Variants in SPEGNB observed in about 807,000 individuals in gnomAD.
The protein encoded by SPEGNB is SPEG neighbor, also known as SPEG neighbor protein.
SPEGNB carries 12 observed loss-of-function variants against 18.3 expected under a neutral mutation model. The ratio of observed to expected loss-of-function variants is 0.65; its 90% CI spans 0.42 to 1.06. The LOEUF is 1.06. Ranked by LOEUF, SPEGNB falls within the 50% of genes least tolerant of loss-of-function variation. The pLI is 0.00. For synonymous variants in SPEGNB, 113 were observed against 138.8 expected, an observed-to-expected ratio of 0.81 and a Z score of 1.31; for missense variants, 273 against 329.3, an observed-to-expected ratio of 0.83 and a Z score of 1.32.
At chr2:219,496,678 T>G in intron 2 of SPEGNB, 131 bp from the exon 3 acceptor site, 1 of 1,005,032 alleles carries the variant, frequency 9.9e-7, no homozygotes, top group South Asian at 1.7e-5. Context: ...GGAGCAGTCC[T>G]CTTCCCTACC....
At chr2:219,497,647 T>A in intron 3 of SPEGNB, 73 bp from the exon 4 acceptor site, 1 of 1,266,158 alleles carries the variant, frequency 7.9e-7, no homozygotes, top group Non-Finnish European at 1.0e-6. Flanking sequence ...GTGCCGGGTA[T>A]TAGCCGGTGA....
chr2:219,497,932 T>C (rs538726143), intron 4 of SPEGNB, 71 bp downstream of exon 4: 1 of 1,286,120 alleles, frequency 7.8e-7, no homozygotes, highest in East Asian at 5.7e-5. Context: ...CCCAGAAATC[T>C]GGCTGGAGTG....
intron 2 of SPEGNB, 22 bp from the exon 3 acceptor site, chr2:219,496,787 C>T (rs1229188834): frequency 8.2e-7 from 1 of 1,225,270 alleles, no homozygotes; most frequent in Non-Finnish European, 1.1e-6. Flanking sequence ...GAACTCTGGG[C>T]CCTGACTCGG....
rs1273233128 is a variant in SPEGNB at position 219,497,043 on chromosome 2, C to A, written c.363C>A (p.Asp121Glu). The change falls in exon 3 of 5, where the codon GAC (aspartate) becomes GAA (glutamate). Residue 121 changes from aspartate (D) to glutamate (E), a missense_variant. Transcript: ENST00000651166. Reference sequence around the variant, plus strand: ...TGGTGCGCGACGGCGAGCTGGCAGACCTGGGCCAGTACAGCATCAACGTCA... The same window carrying A: ...TGGTGCGCGACGGCGAGCTGGCAGAACTGGGCCAGTACAGCATCAACGTCA... ...ALVVRDGELA[D>E]LGQYSINVTN... The A allele has an allele frequency of 7.7e-7, 1 of 1,295,080 alleles. No individual in the cohort carries two copies. The highest frequency in any genetic ancestry group is 1.0e-6 in the Non-Finnish European group (1 of 982,940). 80.2% of individuals were successfully genotyped at this position (1,295,080 alleles called of 1,614,324 possible). A position where few individuals can be genotyped will look rare whatever the true frequency, so the allele number is the denominator to read the frequency against.
chr2:219,497,976 C>A, intron 4 of SPEGNB, 75 bp from the exon 5 acceptor site: 1 of 1,271,942 alleles, frequency 7.9e-7, no homozygotes, highest in Admixed American at 2.4e-5. Context: ...AGGAACAGAG[C>A]TGGCTAAGGA....
Position 219,498,154 on chromosome 2 carries a change from A to G in SPEGNB, c.682A>G (p.Met228Val). ...GGTGTACGTGGAGAACAGCCTGGGC[A>G]TGGACCAGAGCTTCGCTCGCGTCGA... ...YEVYVENSLG[M>V]DQSFARVDVA is the part of the protein sequence containing the mutation. Residue 228 changes from methionine (M) to valine (V), a missense_variant, in exon 5 of 5, where the codon ATG (methionine) becomes GTG (valine). Met to Val is a conservative substitution (Grantham distance 21). Coordinates refer to ENST00000651166, the MANE Select transcript of SPEGNB (RefSeq NM_001286811.2). 7.7e-7 allele frequency: 1 copy of G among 1,304,304 alleles called. No homozygotes were observed. The highest frequency in any genetic ancestry group is 1.2e-5 in the South Asian group (1 of 81,034). 80.8% of individuals were successfully genotyped at this position (1,304,304 alleles called of 1,614,324 possible).
In SPEGNB at chr2:219,498,064, A is replaced by G; in HGVS notation, c.592A>G (p.Ile198Val). ...IEEDDRVFFE[I>V]GSTTTTLTIR... ...GCCCTTCCGCAGGGTGTTCTTCGAG[A>G]TCGGCAGCACCACCACGACGCTGAC... Residue 198 changes from isoleucine (I) to valine (V), a missense_variant, in exon 5 of 5, where the codon ATC becomes GTC. Physicochemically the swap from Ile to Val is conservative, Grantham distance 29. Coordinates refer to ENST00000651166, the MANE Select transcript of SPEGNB (RefSeq NM_001286811.2). The G allele has an allele frequency of 7.7e-7, 1 of 1,302,960 alleles. No homozygotes were observed. The highest frequency in any genetic ancestry group is 1.0e-6 in the Non-Finnish European group (1 of 988,264). The allele number at this position is 1,302,960 out of a possible 1,614,324, so 80.7% of individuals were successfully genotyped here. A position where few individuals can be genotyped will look rare whatever the true frequency, so the allele number is the denominator to read the frequency against.
At position 219,496,360 on chromosome 2, in the gene SPEGNB, T is replaced by G. The variant is rs1694225107; in HGVS notation, c.6T>G (p.Ser2=). 7.9e-7 allele frequency: 1 copy of G among 1,270,880 alleles called. No homozygotes were observed. Among genetic ancestry groups the G allele is most frequent in the Admixed American group, 2.4e-5 (1 of 40,892 alleles). The allele number at this position is 1,270,880 out of a possible 1,614,324, so 78.7% of individuals were successfully genotyped here. The change falls in exon 2 of 5, where the codon TCT becomes TCG. Residue 2 remains serine (S), a synonymous_variant. Transcript: ENST00000651166. The stretch of plus-strand genomic sequence containing the variant: ...ATTTGTCGCCCACTCCCCAGATGTC[T>G]AAAGCAGCTCCTGCCAAAAAGCCAG... M[S]KAAPAKKPVA...
In SPEGNB at chr2:219,498,158, A is replaced by G. The variant is rs1694269490; in HGVS notation, c.686A>G (p.Asp229Gly). 1 of 1,304,118 alleles carries G rather than the reference A, an allele frequency of 7.7e-7. No homozygotes were observed. The highest frequency in any genetic ancestry group is 1.0e-6 in the Non-Finnish European group (1 of 988,932). 80.8% of individuals were successfully genotyped at this position (1,304,118 alleles called of 1,614,324 possible). ...EVYVENSLGMDQSFARVDVA is the reference protein window; with the variant it reads ...EVYVENSLGMGQSFARVDVA ...TACGTGGAGAACAGCCTGGGCATGG[A>G]CCAGAGCTTCGCTCGCGTCGACGTG... is the stretch of plus-strand genomic sequence containing the variant. Residue 229 changes from aspartate (D) to glycine (G), a missense_variant, in exon 5 of 5, where the codon GAC (aspartate) becomes GGC (glycine). Physicochemically the swap from Asp to Gly is moderately conservative, Grantham distance 94 (BLOSUM62 -1). Coordinates refer to ENST00000651166, the MANE Select transcript of SPEGNB (RefSeq NM_001286811.2).
rs866166781 is a variant in SPEGNB, at chr2:219,496,940, G to A, written c.260G>A (p.Trp87Ter). Residue 87 changes from tryptophan to a stop codon, truncating the protein, a stop_gained, in exon 3 of 5, where the codon TGG becomes TAG. Coordinates refer to ENST00000651166, the MANE Select transcript of SPEGNB (RefSeq NM_001286811.2). LOFTEE classifies it high-confidence loss of function. ...GCTTTCCCGGACCCATTCATCCGCTGGAGTAAGGACGGCAAGGAGCTACGT... is the reference window on the plus strand; with the variant it reads ...GCTTTCCCGGACCCATTCATCCGCTAGAGTAAGGACGGCAAGGAGCTACGT... ...ISAFPDPFIR[W>*]SKDGKELRDG... 2 of 1,303,148 alleles carry A rather than the reference G, an allele frequency of 1.5e-6. No individual in the cohort carries two copies. Among genetic ancestry groups the A allele is most frequent in the East Asian group, 1.1e-4 (2 of 17,984 alleles). The allele number at this position is 1,303,148 out of a possible 1,614,324, so 80.7% of individuals were successfully genotyped here.
At position 219,497,140 on chromosome 2, in the gene SPEGNB, C is replaced by A. The variant is rs115299443; in HGVS notation, c.436+24C>A. Reference sequence around the variant, plus strand: ...AGGTACGCGCGCCCCGGGCGCAGCGCCAGGGCGCAGACCAGCACCACTCAG... The same window carrying A: ...AGGTACGCGCGCCCCGGGCGCAGCGACAGGGCGCAGACCAGCACCACTCAG... On this transcript the variant is annotated intron_variant, in intron 3 of 4. Coordinates refer to ENST00000651166, the MANE Select transcript of SPEGNB (RefSeq NM_001286811.2). 6.3e-3 allele frequency: 7,466 copies of A among 1,191,158 alleles called. 61 individuals are homozygous for A. Among genetic ancestry groups the A allele is most frequent in the African/African-American group, 0.032 (1,993 of 62,276 alleles). 73.8% of individuals were successfully genotyped at this position (1,191,158 alleles called of 1,614,324 possible).
Position 219,496,242 on chromosome 2 carries a change from G to T in SPEGNB, c.-1+25G>T, listed in dbSNP as rs1012236073. On this transcript the variant is annotated intron_variant, in intron 1 of 4. Coordinates refer to ENST00000651166, the MANE Select transcript of SPEGNB (RefSeq NM_001286811.2). ...GGTGAGTCTGATCCTCAGAGAAGCC[G>T]CAGACACCCCCATTCCTCCATCTCC... The T allele has an allele frequency of 6.1e-6, 6 of 990,230 alleles. No individual in the cohort carries two copies. The African/African-American group carries it at 1.0e-4, about 17-fold the overall frequency. 61.3% of individuals were successfully genotyped at this position (990,230 alleles called of 1,614,324 possible).
At chr2:219,497,307 C>T (rs1321325280) in intron 3 of SPEGNB, among the ~76,000 whole-genome samples, 191 bp downstream of exon 3, 1 of 152,230 alleles carries the variant, frequency 6.6e-6, no homozygotes, top group East Asian at 1.9e-4. Context: ...GGATCCAGCT[C>T]CACCCGGGCT....
intron 3 of SPEGNB, 56 bp from the exon 4 acceptor site, chr2:219,497,664 G>GC: frequency 1.6e-6 from 2 of 1,289,244 alleles, no homozygotes; most frequent in Non-Finnish European, 2.0e-6. Context: ...GTGAGGTGAT[G>GC]CCCTGCCTCA....
chr2:219,496,755 G>A, intron 2 of SPEGNB, 54 bp from the exon 3 acceptor site: 2 of 1,192,664 alleles, frequency 1.7e-6, no homozygotes, highest in Non-Finnish European at 2.1e-6. Context: ...CGCGGTAAGG[G>A]CTGTGGCCGG....
chr2:219,498,131 T>G lies in SPEGNB; in HGVS notation c.659T>G (p.Val220Gly). 1 of 1,304,286 alleles carries G rather than the reference T, an allele frequency of 7.7e-7. No individual in the cohort carries two copies. The highest frequency in any genetic ancestry group is 1.2e-5 in the South Asian group (1 of 81,034). The allele number at this position is 1,304,286 out of a possible 1,614,324, so 80.8% of individuals were successfully genotyped here. A position where few individuals can be genotyped will look rare whatever the true frequency, so the allele number is the denominator to read the frequency against. ...CCTCAGGACAGCGGCAAGTACGAGGTGTACGTGGAGAACAGCCTGGGCATG... is the reference window on the plus strand; with the variant it reads ...CCTCAGGACAGCGGCAAGTACGAGGGGTACGTGGAGAACAGCCTGGGCATG... ...ATPQDSGKYEVYVENSLGMDQ... is the reference protein window; with the variant it reads ...ATPQDSGKYEGYVENSLGMDQ... Residue 220 changes from valine (V) to glycine (G), a missense_variant, in exon 5 of 5, where the codon GTG (valine) becomes GGG (glycine). Physicochemically the swap from Val to Gly is moderately radical, Grantham distance 109. Transcript: ENST00000651166.
At chr2:219,497,629 T>C in intron 3 of SPEGNB, 91 bp from the exon 4 acceptor site, 2 of 1,235,858 alleles carry the variant, frequency 1.6e-6, no homozygotes, top group Non-Finnish European at 2.1e-6. Flanking sequence ...TAAATGCATC[T>C]GTATTTAGTG....
chr2:219,496,358 T>A lies in SPEGNB; in HGVS notation c.4T>A (p.Ser2Thr), dbSNP rs2125617167. 2.4e-6 allele frequency: 3 copies of A among 1,268,566 alleles called. No homozygotes were observed. The highest frequency in any genetic ancestry group is 1.3e-5 in the South Asian group (1 of 78,094). 78.6% of individuals were successfully genotyped at this position (1,268,566 alleles called of 1,614,324 possible). Residue 2 changes from serine (S) to threonine (T), a missense_variant, in exon 2 of 5, where the codon TCT becomes ACT. Coordinates refer to ENST00000651166, the MANE Select transcript of SPEGNB (RefSeq NM_001286811.2). ...ATATTTGTCGCCCACTCCCCAGATG[T>A]CTAAAGCAGCTCCTGCCAAAAAGCC... Reference protein sequence around the residue: MSKAAPAKKPVA... With the variant: MTKAAPAKKPVA...
chr2:219,496,742 G>A lies in SPEGNB; in HGVS notation c.129-67G>A, dbSNP rs907650387. The A allele has an allele frequency of 4.3e-6, 5 of 1,173,088 alleles. No homozygotes were observed. In the South Asian group the frequency reaches 7.9e-5, roughly 18 times the overall value. 72.7% of individuals were successfully genotyped at this position (1,173,088 alleles called of 1,614,324 possible). On this transcript the variant is annotated intron_variant, in intron 2 of 4. Coordinates refer to ENST00000651166, the MANE Select transcript of SPEGNB (RefSeq NM_001286811.2). The stretch of plus-strand genomic sequence containing the variant: ...CCAGGGGGCAGGTAGGAGATGGTGC[G>A]CTCGCGGTAAGGGCTGTGGCCGGGC...
Sources: gnomAD v4.1 joint callset for allele counts (sites outside exome capture counted in the v4.1 genomes callset) on GRCh38, gnomAD v4.1.1 for gene constraint, MANE v1.5 for transcripts, NCBI Gene and HGNC (gene_info 2026-07-23, HGNC 2026-07-21) for gene names.